Variants in CCDC112 observed in about 807,000 individuals in gnomAD.
The protein encoded by CCDC112 is coiled-coil domain-containing protein 112.
CCDC112 carries 40 observed loss-of-function variants against 66.3 expected under a neutral mutation model. That is an observed-to-expected ratio of 0.60 (90% CI 0.47 to 0.79). The LOEUF (loss-of-function observed/expected upper bound fraction) is 0.79. CCDC112 is among the 30% of genes least tolerant of loss of function. The pLI is 0.00. For synonymous variants in CCDC112, 214 were observed against 197.2 expected, an observed-to-expected ratio of 1.09 and a Z score of -0.71; for missense variants, 659 against 603.8, an observed-to-expected ratio of 1.09 and a Z score of -0.96.
intron 2 of CCDC112, among the ~76,000 whole-genome samples, chr5:115,283,497 T>C (rs966438191): frequency 6.6e-6 from 1 of 152,160 alleles, no homozygotes; most frequent in Non-Finnish European, 1.5e-5. Context: ...AAGGTAACTA[T>C]GTGAAGTGAT....
At chr5:115,293,978 C>G (rs546262934) in intron 1 of CCDC112, among the ~76,000 whole-genome samples, 90 of 152,156 alleles carry the variant, frequency 5.9e-4, no homozygotes, top group African/African-American at 2.1e-3. Flanking sequence ...CAGATGGTAA[C>G]AAGAAGGAAA....
At chr5:115,287,925 C>T (rs2127071741) in intron 1 of CCDC112, among the ~76,000 whole-genome samples, 1 of 151,930 alleles carries the variant, frequency 6.6e-6, no homozygotes, top group Non-Finnish European at 1.5e-5. Context: ...AAAATCAGTA[C>T]ACACACATTT....
intron 1 of CCDC112, chr5:115,296,090 T>C: frequency 9.6e-7 from 1 of 1,037,524 alleles, no homozygotes; most frequent in Non-Finnish European, 1.2e-6. Flanking sequence ...TCCCCAGACA[T>C]AACGTTAGTC....
chr5:115,291,280 A>G (rs1267293804), intron 1 of CCDC112, among the ~76,000 whole-genome samples: 1 of 152,148 alleles, frequency 6.6e-6, no homozygotes, highest in Non-Finnish European at 1.5e-5. Flanking sequence ...ATGTAGTATT[A>G]TATTAATTGA....
chr5:115,279,037 T>C (rs1397375688), intron 3 of CCDC112, among the ~76,000 whole-genome samples: 1 of 152,204 alleles, frequency 6.6e-6, no homozygotes, highest in Non-Finnish European at 1.5e-5. Context: ...CAGTACACTA[T>C]TGACAATGAT....
intron 5 of CCDC112, 105 bp from the exon 6 acceptor site, chr5:115,275,711 A>C: frequency 2.5e-6 from 2 of 786,182 alleles, no homozygotes; most frequent in Non-Finnish European, 3.8e-6. Context: ...TTCTCCACTT[A>C]ACATTATTAA....
chr5:115,283,066 T>C (rs1749522823), intron 2 of CCDC112, among the ~76,000 whole-genome samples: 1 of 152,152 alleles, frequency 6.6e-6, no homozygotes, highest in Non-Finnish European at 1.5e-5. Flanking sequence ...ACAGAACCTC[T>C]AACCTAGAAT....
chr5:115,288,003 G>A (rs1027300852), intron 1 of CCDC112, among the ~76,000 whole-genome samples: 11 of 150,126 alleles, frequency 7.3e-5, no homozygotes, highest in South Asian at 2.1e-4. Context: ...CCCCCGAGAC[G>A]GAGTTTTGCT....
In CCDC112 at chr5:115,279,736, T is replaced by C. The variant is rs368583376; in HGVS notation, c.272A>G (p.His91Arg). The C allele has an allele frequency of 6.5e-7, 1 of 1,547,158 alleles. No homozygotes were observed. Among genetic ancestry groups the C allele is most frequent in the African/African-American group, 1.4e-5 (1 of 73,580 alleles). The change falls in exon 3 of 10, where the codon CAT becomes CGT. Residue 91 changes from histidine to arginine, a missense_variant. His to Arg is a conservative substitution (Grantham distance 29). Coordinates refer to ENST00000379611, the MANE Select transcript of CCDC112 (RefSeq NM_001040440.3). ...VINMEKDKHS[H>R]FYNQKSDFRI... Reference sequence around the variant, plus strand: ...GAAGTCACTTTTTTGGTTGTAGAAATGACTGTGTTTATCTTTTTCCATGTT... The same window carrying C: ...GAAGTCACTTTTTTGGTTGTAGAAACGACTGTGTTTATCTTTTTCCATGTT...
chr5:115,290,143 A>C (rs1320467127), intron 1 of CCDC112, among the ~76,000 whole-genome samples: 1 of 152,232 alleles, frequency 6.6e-6, no homozygotes, highest in African/African-American at 2.4e-5. Context: ...CTGCATTTAG[A>C]TCTTTGATCA....
intron 7 of CCDC112, among the ~76,000 whole-genome samples, 186 bp from the exon 8 acceptor site, chr5:115,269,984 G>A (rs908667094): frequency 9.2e-5 from 14 of 151,894 alleles, no homozygotes; most frequent in Admixed American, 7.9e-4. Flanking sequence ...CATCCCTTCT[G>A]TATTATTTTA....
At chr5:115,294,801 C>A (rs541259272) in intron 1 of CCDC112, among the ~76,000 whole-genome samples, 39 of 152,190 alleles carry the variant, frequency 2.6e-4, no homozygotes, top group Admixed American at 6.5e-4. Flanking sequence ...GGGGGAAGTA[C>A]AAAAATGGAT....
chr5:115,276,208 G>T (rs1284693760), intron 4 of CCDC112, 139 bp from the exon 5 acceptor site: 2 of 607,394 alleles, frequency 3.3e-6, no homozygotes, highest in Non-Finnish European at 5.6e-6. Context: ...GTGCTCAAAA[G>T]TGAATTTTTA....
intron 8 of CCDC112, among the ~76,000 whole-genome samples, chr5:115,269,224 T>C (rs1320682561): frequency 6.6e-6 from 1 of 152,232 alleles, no homozygotes; most frequent in Non-Finnish European, 1.5e-5. Flanking sequence ...GTTCTATTAT[T>C]TTATTCTATT....
chr5:115,275,978 T>C lies in CCDC112; in HGVS notation c.527+16A>G. ...AAAGGTCAATAATTTTATATTAAAA[T>C]GAGTTTAAAACATACATCAACCTCT... On this transcript the variant is annotated intron_variant, in intron 5 of 9. Coordinates refer to ENST00000379611, the MANE Select transcript of CCDC112 (RefSeq NM_001040440.3). 1 of 1,523,986 alleles carries C rather than the reference T, an allele frequency of 6.6e-7. No individual in the cohort carries two copies. 94.4% of individuals were successfully genotyped at this position (1,523,986 alleles called of 1,614,324 possible).
chr5:115,273,449 C>T (rs1409833302), intron 6 of CCDC112, among the ~76,000 whole-genome samples: 1 of 152,198 alleles, frequency 6.6e-6, no homozygotes, highest in Non-Finnish European at 1.5e-5. Context: ...TTCCTCCAAA[C>T]TTCCCTTTCC....
chr5:115,283,230 T>A (rs1749529607), intron 2 of CCDC112, among the ~76,000 whole-genome samples: 1 of 152,118 alleles, frequency 6.6e-6, no homozygotes, highest in African/African-American at 2.4e-5. Flanking sequence ...CTCTAGATCT[T>A]TTCTATTTTA....
In CCDC112 at chr5:115,295,774, T is replaced by C. The variant is rs1367959121; in HGVS notation, c.117+653A>G. The C allele has an allele frequency of 1.6e-5, 6 of 386,920 alleles. No homozygotes were observed. The Admixed American group carries it at 3.2e-4, about 21-fold the overall frequency. 24.0% of individuals were successfully genotyped at this position (386,920 alleles called of 1,614,324 possible). A position where few individuals can be genotyped will look rare whatever the true frequency, so the allele number is the denominator to read the frequency against. ...ACATAAACAATAGAAATAAAGTATG[T>C]AATATAATATATGGTACTAAGTGCT... On this transcript the variant is annotated intron_variant, in intron 1 of 9. Coordinates refer to ENST00000379611, the MANE Select transcript of CCDC112 (RefSeq NM_001040440.3).
chr5:115,282,859 GT>G lies in CCDC112; in HGVS notation c.239+1927del, dbSNP rs571628073. Among the ~76,000 whole-genome samples the G allele has an allele frequency of 4.5e-3, 678 of 152,072 alleles. 11 individuals carry two copies. Among genetic ancestry groups the G allele is most frequent in the African/African-American group, 0.016 (644 of 41,506 alleles). On this transcript the variant is annotated intron_variant, in intron 2 of 9. Transcript: ENST00000379611. Reference sequence around the variant, plus strand: ...TTAAAAAAAGATATTATAGATTGTGGTTTTTCGTTTGTGTTTATGTGAATTG... The same window carrying G: ...TTAAAAAAAGATATTATAGATTGTGGTTTTCGTTTGTGTTTATGTGAATTG...
Sources: allele counts gnomAD v4.1 joint callset (sites outside exome capture counted in the v4.1 genomes callset), GRCh38; gene constraint gnomAD v4.1.1; transcripts MANE v1.5; gene names NCBI Gene and HGNC (gene_info 2026-07-23, HGNC 2026-07-21).